PLGRKT: variants seen among roughly 807,000 people sequenced by gnomAD.
PLGRKT encodes the protein plasminogen receptor with a C-terminal lysine, also known as plasminogen receptor (KT).
PLGRKT carries 22 observed loss-of-function variants against 18.5 expected under a neutral mutation model. The observed-to-expected ratio is 1.19, with a 90% CI of 0.85 to 1.70. The LOEUF (loss-of-function observed/expected upper bound fraction) is 1.70. PLGRKT is among the 40% of genes most tolerant of loss of function. The pLI, the probability that PLGRKT is intolerant of heterozygous loss-of-function variation, is 0.00. For missense variants in PLGRKT, 235 were observed against 174.4 expected (o/e 1.35, Z -1.96); for synonymous variants, 72 against 52.8 (o/e 1.36, Z -1.58).
At chr9:5,390,351 G>A (rs116496149) in intron 3 of PLGRKT, among the ~76,000 whole-genome samples, 2,826 of 151,632 alleles carry the variant, frequency 0.019, 149 homozygotes, top group African/African-American at 0.066. Context: ...ATTTATCAAG[G>A]TAGCCTCATG....
At chr9:5,436,141 G>C (rs1186464813) in intron 2 of PLGRKT, among the ~76,000 whole-genome samples, 3 of 152,210 alleles carry the variant, frequency 2.0e-5, no homozygotes, top group African/African-American at 7.2e-5. Context: ...GGGTGATTTG[G>C]CAGTTCTTTC....
chr9:5,387,168 G>C (rs891985467), intron 3 of PLGRKT, among the ~76,000 whole-genome samples: 7 of 151,882 alleles, frequency 4.6e-5, no homozygotes, highest in African/African-American at 1.2e-4. Flanking sequence ...TTAGAAAATG[G>C]ACCATATTAG....
intron 4 of PLGRKT, 151 bp from the exon 5 acceptor site, chr9:5,361,338 G>A (rs1817260662): frequency 5.1e-6 from 3 of 587,838 alleles, no homozygotes; most frequent in Admixed American, 6.3e-5. Flanking sequence ...ATGGAAATAG[G>A]ATTTCCTTAC....
intron 3 of PLGRKT, among the ~76,000 whole-genome samples, chr9:5,428,079 A>C (rs920089056): frequency 5.9e-5 from 9 of 152,222 alleles, no homozygotes; most frequent in African/African-American, 2.2e-4. Context: ...GCCAAAAAAC[A>C]AGGCGACGTG....
intron 3 of PLGRKT, among the ~76,000 whole-genome samples, chr9:5,415,302 C>T (rs1178121315): frequency 6.6e-6 from 1 of 151,980 alleles, no homozygotes; most frequent in Non-Finnish European, 1.5e-5. Flanking sequence ...AGTAAAATGT[C>T]CACGAAAACA....
At chr9:5,362,115 A>AT (rs1817280758) in intron 3 of PLGRKT, among the ~76,000 whole-genome samples, 1 of 152,298 alleles carries the variant, frequency 6.6e-6, no homozygotes, top group East Asian at 1.9e-4. Context: ...TCAATATTCC[A>AT]TTTTTACACC....
chr9:5,436,997 T>C (rs1489265082), intron 1 of PLGRKT, among the ~76,000 whole-genome samples: 4 of 152,238 alleles, frequency 2.6e-5, no homozygotes, highest in African/African-American at 4.8e-5. Flanking sequence ...TTGCTACTTA[T>C]ACAATTTTAA....
intron 3 of PLGRKT, among the ~76,000 whole-genome samples, chr9:5,425,703 G>A (rs1201495924): frequency 1.3e-5 from 2 of 152,028 alleles, no homozygotes; most frequent in Non-Finnish European, 2.9e-5. Flanking sequence ...CATTCAAAAG[G>A]CCCTAGATGA....
At chr9:5,432,805 T>G (rs970090596) in intron 2 of PLGRKT, among the ~76,000 whole-genome samples, 1 of 152,200 alleles carries the variant, frequency 6.6e-6, no homozygotes, top group East Asian at 1.9e-4. Context: ...GTGCTCAATG[T>G]TGCCCAGGCT....
At chr9:5,383,178 C>T (rs75354502) in intron 3 of PLGRKT, among the ~76,000 whole-genome samples, 18,882 of 152,114 alleles carry the variant, frequency 0.12, 1,411 homozygotes, top group East Asian at 0.3. Flanking sequence ...AGCCAAGGAA[C>T]GCCTGGAGCC....
intron 3 of PLGRKT, among the ~76,000 whole-genome samples, chr9:5,397,557 G>T (rs953192572): frequency 3.3e-5 from 5 of 151,482 alleles, no homozygotes; most frequent in Admixed American, 6.6e-5. Context: ...AGGAGGGAGG[G>T]AAGGAAAGAA....
At chr9:5,429,407 C>T (rs1483209947) in intron 3 of PLGRKT, among the ~76,000 whole-genome samples, 1 of 152,190 alleles carries the variant, frequency 6.6e-6, no homozygotes, top group African/African-American at 2.4e-5. Context: ...CAAAGGACCA[C>T]AAACTGGACG....
chr9:5,361,144 G>C lies in PLGRKT; in HGVS notation c.256C>G (p.Pro86Ala). 6.2e-7 allele frequency: 1 copy of C among 1,610,994 alleles called. No individual in the cohort carries two copies. The highest frequency in any genetic ancestry group is 8.5e-7 in the Non-Finnish European group (1 of 1,177,622). Residue 86 changes from proline to alanine, a missense_variant, in exon 5 of 6, where the codon CCA becomes GCA. Transcript: ENST00000223864. ...TGGTAGGTGAGGATAAAGCTTAATG[G>C]AACAATCGGGACCAGGAAGGCTGGC... The part of the protein sequence containing the change: ...KKPAFLVPIV[P>A]LSFILTYQYD...
intron 3 of PLGRKT, among the ~76,000 whole-genome samples, chr9:5,428,184 C>G (rs892968914): frequency 6.6e-6 from 1 of 152,144 alleles, no homozygotes; most frequent in African/African-American, 2.4e-5. Context: ...GCGTCAGAAA[C>G]TTGTCTGTTG....
chr9:5,410,300 C>G (rs1818337014), intron 3 of PLGRKT, among the ~76,000 whole-genome samples: 1 of 151,972 alleles, frequency 6.6e-6, no homozygotes, highest in Non-Finnish European at 1.5e-5. Flanking sequence ...CTTTGGGAGG[C>G]TGAGTCAAGT....
chr9:5,432,153 T>G (rs1268181097), intron 2 of PLGRKT, among the ~76,000 whole-genome samples, 170 bp from the exon 3 acceptor site: 2 of 152,164 alleles, frequency 1.3e-5, no homozygotes, highest in South Asian at 2.1e-4. Flanking sequence ...CTGCCTGACC[T>G]CAGGCATACT....
chr9:5,376,380 G>C (rs1463499994), intron 3 of PLGRKT, among the ~76,000 whole-genome samples: 1 of 152,152 alleles, frequency 6.6e-6, no homozygotes, highest in Non-Finnish European at 1.5e-5. Flanking sequence ...CCACTTATTA[G>C]CTTTGTGTCC....
chr9:5,376,869 GAGGAGGTGAACC>G (rs1307348231), intron 3 of PLGRKT, among the ~76,000 whole-genome samples: 1 of 152,210 alleles, frequency 6.6e-6, no homozygotes, highest in Non-Finnish European at 1.5e-5. Context: ...GGATGTATCT[GAGGAGGTGAACC>G]AGGTGGCTGG....
chr9:5,424,210 T>G (rs1818634032), intron 3 of PLGRKT, among the ~76,000 whole-genome samples: 2 of 138,118 alleles, frequency 1.4e-5, no homozygotes, highest in Non-Finnish European at 1.5e-5. Context: ...ATAATATATG[T>G]AATATGTAAT....
Sources: gnomAD v4.1 joint callset for allele counts (sites outside exome capture counted in the v4.1 genomes callset) on GRCh38, gnomAD v4.1.1 for gene constraint, MANE v1.5 for transcripts, NCBI Gene and HGNC (gene_info 2026-07-23, HGNC 2026-07-21) for gene names.